NECTIN4: variants seen among roughly 807,000 people sequenced by gnomAD.
NECTIN4 encodes nectin-4.
NECTIN4 carries 19 observed loss-of-function variants against 51.7 expected under a neutral mutation model. The ratio of observed to expected loss-of-function variants is 0.37; its 90% confidence interval spans 0.26 to 0.54. NECTIN4 has a LOEUF of 0.54. NECTIN4 is among the 20% of genes least tolerant of loss of function. The pLI, the probability that NECTIN4 is intolerant of heterozygous loss-of-function variation, is 0.86. For synonymous variants in NECTIN4, 283 were observed against 286.9 expected, an observed-to-expected ratio of 0.99 and a Z score of 0.14; for missense variants, 619 against 662.4, an observed-to-expected ratio of 0.93 and a Z score of 0.72.
At position 161,076,451 on chromosome 1, in the gene NECTIN4, C is replaced by G. The variant is rs2101661512; in HGVS notation, c.755G>C (p.Gly252Ala). Reference sequence around the variant, plus strand: ...GTGCCACAGATTTTGGTCTTCAAGGCCCCTCACAGAGGCCTCAGCAAGGAC... The same window carrying G: ...GTGCCACAGATTTTGGTCTTCAAGGGCCCTCACAGAGGCCTCAGCAAGGAC... ...VSFLAEASVR[G>A]LEDQNLWHIG... Residue 252 changes from glycine to alanine, a missense_variant, in exon 4 of 9, where the codon GGC becomes GCC. By Grantham distance (60) the Gly-to-Ala change is moderately conservative. This residue lies in a region of NECTIN4 where 364 missense variants were observed against 415.7 expected (regional missense o/e 0.88). Coordinates refer to ENST00000368012, the MANE Select transcript of NECTIN4 (RefSeq NM_030916.3). 6.2e-7 allele frequency: 1 copy of G among 1,614,116 alleles called. No homozygotes were observed. Among genetic ancestry groups the G allele is most frequent in the South Asian group, 1.1e-5 (1 of 91,084 alleles).
At chr1:161,078,897 A>C (rs1319882275) in intron 2 of NECTIN4, among the ~76,000 whole-genome samples, 1 of 152,042 alleles carries the variant, frequency 6.6e-6, no homozygotes, top group Non-Finnish European at 1.5e-5. Context: ...CTGTAGACCC[A>C]GCTACTCGGG....
At chr1:161,076,995 G>GC (rs11458065) in intron 3 of NECTIN4, among the ~76,000 whole-genome samples, 121,235 of 152,148 alleles carry the variant, frequency 0.8, 48,544 homozygotes, top group African/African-American at 0.87. Context: ...TGTGTGAGTT[G>GC]CTCTGCATTC....
chr1:161,080,324 A>G (rs1653622477), intron 1 of NECTIN4, among the ~76,000 whole-genome samples: 1 of 152,132 alleles, frequency 6.6e-6, no homozygotes, highest in Non-Finnish European at 1.5e-5. Flanking sequence ...TCATCAGGGA[A>G]AATAGAATTT....
Position 161,074,750 on chromosome 1 carries a change from C to T in NECTIN4, c.861G>A (p.Gly287=). The change falls in exon 5 of 9, where the codon GGG becomes GGA. Residue 287 remains glycine, a synonymous_variant. Transcript: ENST00000368012. ...PPSYNWTRLD[G]PLPSGVRVDG... ...CCACTCGTACCCCACTGGGCAGAGG[C>T]CCATCCAGCCTGGAAGACAGGGAAG... 6.2e-7 allele frequency: 1 copy of T among 1,613,502 alleles called. No homozygotes were observed. Among genetic ancestry groups the T allele is most frequent in the Non-Finnish European group, 8.5e-7 (1 of 1,179,940 alleles).
intron 1 of NECTIN4, among the ~76,000 whole-genome samples, chr1:161,082,189 C>T (rs1653707582): frequency 6.6e-6 from 1 of 151,932 alleles, no homozygotes; most frequent in African/African-American, 2.4e-5. Flanking sequence ...ATTAGATGGG[C>T]GTGGTGGCGG....
chr1:161,086,718 C>T (rs753492415), intron 1 of NECTIN4, among the ~76,000 whole-genome samples: 7 of 152,156 alleles, frequency 4.6e-5, no homozygotes, highest in Admixed American at 2.0e-4. Flanking sequence ...GGTGCTGAGG[C>T]GCCTCCCAAG....
At chr1:161,082,258 G>T (rs1426426486) in intron 1 of NECTIN4, among the ~76,000 whole-genome samples, 3 of 152,158 alleles carry the variant, frequency 2.0e-5, no homozygotes, top group Non-Finnish European at 4.4e-5. Flanking sequence ...AACCCAGGAG[G>T]TGGAGGTTGC....
chr1:161,073,317 G>C lies in NECTIN4; in HGVS notation c.1234-18C>G. On this transcript the variant is annotated intron_variant, in intron 7 of 8. Transcript: ENST00000368012. The stretch of plus-strand genomic sequence containing the variant: ...TCCTCCGGCTGCAGGGCCCAGACAC[G>C]GGGCAGTTAGAACAGGGCTCAGCCT... 3 of 1,611,360 alleles carry C rather than the reference G, an allele frequency of 1.9e-6. No homozygotes were observed. The highest frequency in any genetic ancestry group is 1.7e-5 in the Admixed American group (1 of 59,952).
At position 161,073,239 on chromosome 1, in the gene NECTIN4, T is replaced by G. The variant is rs771713776; in HGVS notation, c.1294A>C (p.Ser432Arg). ...GGGGGCCTCACCATCACAGAGCAGC[T>G]ACTGTTGTCCTTGAGACTATCAGGG... ...GHPDSLKDNS[S>R]CSVMSEEPEG... is the part of the protein sequence containing the mutation. The change falls in exon 8 of 9, where the codon AGC becomes CGC. Residue 432 changes from serine to arginine, a missense_variant. Transcript: ENST00000368012. 1 of 1,614,092 alleles carries G rather than the reference T, an allele frequency of 6.2e-7. No homozygotes were observed. The highest frequency in any genetic ancestry group is 8.5e-7 in the Non-Finnish European group (1 of 1,179,966).
chr1:161,074,982 C>T (rs1653350267), intron 4 of NECTIN4, among the ~76,000 whole-genome samples: 1 of 151,950 alleles, frequency 6.6e-6, no homozygotes, highest in African/African-American at 2.4e-5. Context: ...GGGGAAGATC[C>T]ACACGTGTGC....
At chr1:161,076,551 C>T (rs1268870006) in intron 3 of NECTIN4, 76 bp from the exon 4 acceptor site, 1 of 1,590,714 alleles carries the variant, frequency 6.3e-7, no homozygotes, top group Non-Finnish European at 8.6e-7. Flanking sequence ...GCCCTGCCCC[C>T]ACCCCACCCT....
In NECTIN4 at chr1:161,073,265, TGGCCCTC is replaced by T. The variant is rs1653261177; in HGVS notation, c.1261_1267del (p.Glu421ThrfsTer13). 1.9e-6 allele frequency: 3 copies of T among 1,613,904 alleles called. No individual in the cohort carries two copies. The highest frequency in any genetic ancestry group is 2.5e-6 in the Non-Finnish European group (3 of 1,179,972). On this transcript the variant is annotated frameshift_variant, in exon 8 of 9. Coordinates refer to ENST00000368012, the MANE Select transcript of NECTIN4 (RefSeq NM_030916.3). LOFTEE classifies it high-confidence loss of function. The stretch of plus-strand genomic sequence containing the variant: ...ACTGTTGTCCTTGAGACTATCAGGG[TGGCCCTC>T]GGCTCTCAGCCCTACACTCTCCTCC...
rs185782487 is a variant in NECTIN4, at chr1:161,081,282, T to A, written c.80-1333A>T. ...CACTAAAGGTTCCTTAGCCAGGGAG[T>A]GCCATGAGCAAGTGGTGAGGGGCAG... On this transcript the variant is annotated intron_variant, in intron 1 of 8. Transcript: ENST00000368012. Among the ~76,000 whole-genome samples the A allele has an allele frequency of 9.3e-5, 14 of 150,402 alleles. No homozygotes were observed. The East Asian group carries it at 2.7e-3, about 30-fold the overall frequency.
rs147849290 is a variant in NECTIN4, at chr1:161,072,677, C to T, written c.1517G>A (p.Arg506Gln). The part of the protein sequence containing the change: ...PTGNGIYING[R>Q]GHLV ...AGGCCTGGGTCAGACCAGGTGTCCC[C>T]GCCCATTGATGTAGATGCCATTGCC... The change falls in exon 9 of 9, where the codon CGG becomes CAG. Residue 506 changes from arginine (R) to glutamine (Q), a missense_variant. Physicochemically the swap from Arg to Gln is conservative, Grantham distance 43 (BLOSUM62 1). Around this residue, in one of 3 missense-constraint regions of NECTIN4, gnomAD observed 364 missense variants for 415.7 expected, o/e 0.88. Transcript: ENST00000368012. 508 of 1,614,076 alleles carry T rather than the reference C, an allele frequency of 3.1e-4. No individual in the cohort carries two copies. Among genetic ancestry groups the T allele is most frequent in the Non-Finnish European group, 4.1e-4 (482 of 1,179,908 alleles).
In NECTIN4 at chr1:161,079,605, G is replaced by A. The variant is rs370578623; in HGVS notation, c.424C>T (p.Arg142Trp). ...FPAGSFQARLRLRVLVPPLPS... is the reference protein window; with the variant it reads ...FPAGSFQARLWLRVLVPPLPS... Reference sequence around the variant, plus strand: ...CCCCGCTTACCCAGCACTCGGAGCCGCAGCCGCGCCTGGAAGCTGCCGGCG... The same window carrying A: ...CCCCGCTTACCCAGCACTCGGAGCCACAGCCGCGCCTGGAAGCTGCCGGCG... The change falls in exon 2 of 9, where the codon CGG becomes TGG. Residue 142 changes from arginine to tryptophan, a missense_variant. This residue lies in a region of NECTIN4 where 37 missense variants were observed against 60.3 expected (regional missense o/e 0.61). Transcript: ENST00000368012. 4 of 1,603,936 alleles carry A rather than the reference G, an allele frequency of 2.5e-6. No homozygotes were observed. The highest frequency in any genetic ancestry group is 1.7e-5 in the Admixed American group (1 of 59,898).
At position 161,072,636 on chromosome 1, in the gene NECTIN4, C is replaced by T. The variant is rs755331111; in HGVS notation, c.*25G>A. 1.9e-6 allele frequency: 3 copies of T among 1,596,570 alleles called. No homozygotes were observed. Among genetic ancestry groups the T allele is most frequent in the African/African-American group, 2.7e-5 (2 of 74,544 alleles). On this transcript the variant is annotated 3_prime_UTR_variant, in exon 9 of 9. Transcript: ENST00000368012. Reference sequence around the variant, plus strand: ...TCCCATGTCAACAGAAGGAGCCAGGCCTAGGGAAGGGAGGCAGGCCTGGGT... The same window carrying T: ...TCCCATGTCAACAGAAGGAGCCAGGTCTAGGGAAGGGAGGCAGGCCTGGGT...
At chr1:161,074,841 C>T (rs1304874065) in intron 4 of NECTIN4, 82 bp from the exon 5 acceptor site, 9 of 1,454,354 alleles carry the variant, frequency 6.2e-6, no homozygotes. Flanking sequence ...AGCTCTCCAC[C>T]CTCCACCCCC....
chr1:161,088,517 A>T (rs1202115283), intron 1 of NECTIN4, among the ~76,000 whole-genome samples: 1 of 152,076 alleles, frequency 6.6e-6, no homozygotes, highest in Non-Finnish European at 1.5e-5. Context: ...GGAACAGGAG[A>T]TGAACAAATG....
At chr1:161,074,971 C>A (rs1653349685) in intron 4 of NECTIN4, among the ~76,000 whole-genome samples, 1 of 152,216 alleles carries the variant, frequency 6.6e-6, no homozygotes, top group Non-Finnish European at 1.5e-5. Context: ...CACACACACC[C>A]GGGGAAGATC....
Sources: gnomAD v4.1 joint callset for allele counts (sites outside exome capture counted in the v4.1 genomes callset) on GRCh38, gnomAD v4.1.1 for gene constraint, gnomAD v4.1.1 regional missense constraint, MANE v1.5 for transcripts, NCBI Gene and HGNC (gene_info 2026-07-23, HGNC 2026-07-21) for gene names.